The following GPS1 variants were observed in gnomAD, a reference collection of about 807,000 sequenced individuals.
GPS1 encodes COP9 signalosome complex subunit 1.
GPS1 carries 11 observed loss-of-function variants against 60.0 expected under a neutral mutation model. The ratio of observed to expected loss-of-function variants is 0.18; its 90% CI spans 0.12 to 0.30. The LOEUF (loss-of-function observed/expected upper bound fraction) is 0.30, where lower values mean the gene tolerates loss of function less well. Ranked by LOEUF, GPS1 falls within the 10% of genes least tolerant of loss-of-function variation. The pLI is 1.00. For missense variants in GPS1, 543 were observed against 669.2 expected (o/e 0.81, Z 2.08); for synonymous variants, 343 against 269.8 (o/e 1.27, Z -2.66).
chr17:82,054,231 T>C (rs2144500906), intron 3 of GPS1, 182 bp downstream of exon 3: 1 of 757,648 alleles, frequency 1.3e-6, no homozygotes, highest in Non-Finnish European at 2.1e-6. Context: ...CTTCTGTGTG[T>C]GTGCATGCAG....
chr17:82,052,275 C>T, intron 1 of GPS1: 2 of 1,611,328 alleles, frequency 1.2e-6, no homozygotes, highest in South Asian at 1.1e-5. Flanking sequence ...AGCTCTGTGT[C>T]AGGGTCGGGG....
chr17:82,052,749 T>G, intron 1 of GPS1: 1 of 458,722 alleles, frequency 2.2e-6, no homozygotes, highest in Non-Finnish European at 4.0e-6. Context: ...GTCTCCCAGC[T>G]GGGGGCCATG....
Position 82,054,885 on chromosome 17 carries a change from GC to G in GPS1, c.610-6del, listed in dbSNP as rs748705896. The G allele has an allele frequency of 7.0e-6, 11 of 1,569,256 alleles. No homozygotes were observed. The highest frequency in any genetic ancestry group is 6.9e-6 in the Non-Finnish European group (8 of 1,155,982). On this transcript the variant is annotated splice_polypyrimidine_tract_variant and intron_variant, in intron 4 of 12. Transcript: ENST00000578552. ...GGCGCCCGGGCTCACTTGGCTCTGC[GC>G]CCCCCCGCCAGGTCAGCGTCTACTT...
intron 3 of GPS1, 50 bp downstream of exon 3, chr17:82,054,099 G>T: frequency 6.5e-7 from 1 of 1,538,984 alleles, no homozygotes; most frequent in Admixed American, 1.9e-5. Context: ...AAGGGAGCGC[G>T]GGTGTCTGGG....
At chr17:82,055,515 TC>T in intron 6 of GPS1, 1 of 606,808 alleles carries the variant, frequency 1.6e-6, no homozygotes. Context: ...ACCTAGGGCT[TC>T]CCTGCATGCC....
upstream of GPS1, chr17:82,051,350 A>T (rs1462504825): frequency 1.4e-6 from 2 of 1,466,864 alleles, no homozygotes; most frequent in Non-Finnish European, 1.8e-6. This position sits in a 1 kb window ranked among gnomAD's most constrained non-coding sequence, Gnocchi z 4.1. Context: ...CGTCTGGGGG[A>T]GAAACAATCT....
rs1007117499 is a variant in GPS1 at position 82,053,676 on chromosome 17, G to A, written c.127-192G>A. The stretch of plus-strand genomic sequence containing the variant: ...AGGGTCCCACTCCTGAGGCTCCTGC[G>A]CCAGGCCCACCCCAGCGGTCTTCGT... On this transcript the variant is annotated intron_variant, in intron 2 of 12. Transcript: ENST00000578552. 9.6e-5 allele frequency: 59 copies of A among 612,208 alleles called. No individual in the cohort carries two copies. The East Asian group carries it at 1.2e-3, about 12-fold the overall frequency. The allele number at this position is 612,208 out of a possible 1,614,324, so 37.9% of individuals were successfully genotyped here.
At chr17:82,054,174 T>C in intron 3 of GPS1, 125 bp downstream of exon 3, 1 of 1,118,730 alleles carries the variant, frequency 8.9e-7, no homozygotes, top group Non-Finnish European at 1.2e-6. Flanking sequence ...CGGGTAGAGC[T>C]CTCGCTCTCT....
upstream of GPS1, chr17:82,051,739 G>T: frequency 9.3e-7 from 1 of 1,072,096 alleles, no homozygotes; most frequent in Non-Finnish European, 1.1e-6. The surrounding 1 kb of genome is among the most constrained non-coding windows in gnomAD (Gnocchi z 4.1). Flanking sequence ...AGGCAGGCCC[G>T]GCACAGCGCC....
chr17:82,051,910 G>A lies in GPS1; in HGVS notation c.-22G>A, dbSNP rs1305799451. The A allele has an allele frequency of 1.7e-6, 2 of 1,160,782 alleles. No homozygotes were observed. Among genetic ancestry groups the A allele is most frequent in the Non-Finnish European group, 2.1e-6 (2 of 941,328 alleles). 71.9% of individuals were successfully genotyped at this position (1,160,782 alleles called of 1,614,324 possible). A position where few individuals can be genotyped will look rare whatever the true frequency, so the allele number is the denominator to read the frequency against. ...TCGCTGCCCCGGAAGTGGACGGCAC[G>A]CCGCGGCGGGGTGGGTGCAAGATGC... On this transcript the variant is annotated 5_prime_UTR_variant, in exon 1 of 13. Transcript: ENST00000578552. The surrounding 1 kb of genome is among the most constrained non-coding windows in gnomAD (Gnocchi z 4.1).
intron 3 of GPS1, 85 bp downstream of exon 3, chr17:82,054,134 C>A: frequency 1.4e-6 from 2 of 1,409,030 alleles, no homozygotes; most frequent in Non-Finnish European, 1.9e-6. Context: ...CTGTGCCCTG[C>A]ATCTCCCACC....
chr17:82,054,748 C>T lies in GPS1; in HGVS notation c.547C>T (p.Arg183Trp), dbSNP rs878893994. ...DLSNALKCYSRARDYCTSAKH... is the reference protein window; with the variant it reads ...DLSNALKCYSWARDYCTSAKH... Reference sequence around the variant, plus strand: ...CAGCAACGCCCTCAAGTGCTATTCCCGGGCCCGGGACTACTGCACCAGCGC... The same window carrying T: ...CAGCAACGCCCTCAAGTGCTATTCCTGGGCCCGGGACTACTGCACCAGCGC... The change falls in exon 4 of 13, where the codon CGG becomes TGG. Residue 183 changes from arginine (R) to tryptophan (W), a missense_variant. Physicochemically the swap from Arg to Trp is moderately radical, Grantham distance 101. Around this residue, in one of 3 missense-constraint regions of GPS1, gnomAD observed 71 missense variants for 126.7 expected, o/e 0.56. Coordinates refer to ENST00000578552, the MANE Select transcript of GPS1 (RefSeq NM_001321092.3). 3 of 1,611,630 alleles carry T rather than the reference C, an allele frequency of 1.9e-6. No individual in the cohort carries two copies. In the Admixed American group the frequency reaches 5.0e-5, roughly 27 times the overall value.
At chr17:82,051,855 G>T, upstream of GPS1, 4 of 1,150,220 alleles carry the variant, frequency 3.5e-6, no homozygotes, top group Non-Finnish European at 4.3e-6. The surrounding 1 kb of genome is among the most constrained non-coding windows in gnomAD (Gnocchi z 4.1). Context: ...CAGCGGCCCC[G>T]CCCCGCCCCG....
In GPS1 at chr17:82,056,359, G is replaced by T; in HGVS notation, c.1003G>T (p.Ala335Ser). 1 of 1,613,252 alleles carries T rather than the reference G, an allele frequency of 6.2e-7. No homozygotes were observed. The highest frequency in any genetic ancestry group is 8.5e-7 in the Non-Finnish European group (1 of 1,179,876). ...IIFKFYESKY[A>S]SCLKMLDEMK... ...CTTCAAATTCTACGAGTCCAAGTACGCCTCATGTCTCAAGATGCTGGACGA... is the reference window on the plus strand; with the variant it reads ...CTTCAAATTCTACGAGTCCAAGTACTCCTCATGTCTCAAGATGCTGGACGA... The change falls in exon 9 of 13, where the codon GCC (alanine) becomes TCC (serine). Residue 335 changes from alanine to serine, a missense_variant. Around this residue, in one of 3 missense-constraint regions of GPS1, gnomAD observed 291 missense variants for 353.7 expected, o/e 0.82. Coordinates refer to ENST00000578552, the MANE Select transcript of GPS1 (RefSeq NM_001321092.3).
At position 82,055,773 on chromosome 17, in the gene GPS1, A is replaced by G. The variant is rs1043566272; in HGVS notation, c.782A>G (p.Gln261Arg). 1.3e-6 allele frequency: 2 copies of G among 1,562,452 alleles called. No individual in the cohort carries two copies. Among genetic ancestry groups the G allele is most frequent in the African/African-American group, 1.4e-5 (1 of 73,730 alleles). Residue 261 changes from glutamine (Q) to arginine (R), a missense_variant, in exon 7 of 13, where the codon CAG becomes CGG. Gln to Arg is a conservative substitution (Grantham distance 43, BLOSUM62 1). This residue lies in a region of GPS1 where 291 missense variants were observed against 353.7 expected (regional missense o/e 0.82). Transcript: ENST00000578552. ...GAGCTGGCCGCCAGGAAGTACAAGC[A>G]GGCTGCCAAGTGCCTCCTGCTGGCT... ...LAELAARKYK[Q>R]AAKCLLLASF... is the part of the protein sequence containing the mutation.
Position 82,056,323 on chromosome 17 carries a change from C to G in GPS1, c.967C>G (p.Arg323Gly). The G allele has an allele frequency of 1.9e-6, 3 of 1,613,184 alleles. No homozygotes were observed. Among genetic ancestry groups the G allele is most frequent in the Non-Finnish European group, 2.5e-6 (3 of 1,179,770 alleles). Residue 323 changes from arginine (R) to glycine (G), a missense_variant, in exon 9 of 13, where the codon CGA (arginine) becomes GGA (glycine). Transcript: ENST00000578552. ...GTTCTTGGAGCTGGAGCCACAGGTC[C>G]GAGACATCATCTTCAAATTCTACGA... ...KLFLELEPQV[R>G]DIIFKFYESK...
intron 3 of GPS1, 175 bp downstream of exon 3, chr17:82,054,224 CTG>C: frequency 1.3e-6 from 1 of 769,588 alleles, no homozygotes; most frequent in Non-Finnish European, 2.0e-6. Context: ...TGTGTGGCTT[CTG>C]TGTGTGTGCA....
At chr17:82,051,476 C>CGTCGGG (rs2030571778), upstream of GPS1, 23 of 1,349,434 alleles carry the variant, frequency 1.7e-5, no homozygotes, top group Middle Eastern at 5.5e-4. This position sits in a 1 kb window ranked among gnomAD's most constrained non-coding sequence, Gnocchi z 4.1. Context: ...TGGGGCTCGC[C>CGTCGGG]GTCGGGGTCG....
At position 82,055,576 on chromosome 17, in the gene GPS1, C is replaced by CT. The variant is rs1309250527; in HGVS notation, c.749-163dup. Reference sequence around the variant, plus strand: ...TTGGTGGGGCTCTTTCCACCCGTGACTAGAGTATCTGTCCCCAGCGCTGAG... The same window carrying CT: ...TTGGTGGGGCTCTTTCCACCCGTGACTTAGAGTATCTGTCCCCAGCGCTGAG... On this transcript the variant is annotated intron_variant, in intron 6 of 12. Coordinates refer to ENST00000578552, the MANE Select transcript of GPS1 (RefSeq NM_001321092.3). 1.3e-5 allele frequency: 8 copies of CT among 617,050 alleles called. No individual in the cohort carries two copies. In the East Asian group the frequency reaches 2.2e-4, roughly 17 times the overall value. 38.2% of individuals were successfully genotyped at this position (617,050 alleles called of 1,614,324 possible). A position where few individuals can be genotyped will look rare whatever the true frequency, so the allele number is the denominator to read the frequency against.
Sources: gnomAD v4.1 joint callset for allele counts on GRCh38, gnomAD v4.1.1 for gene constraint, gnomAD v4.1.1 regional missense constraint, Gnocchi (gnomAD v3.1) non-coding constraint, MANE v1.5 for transcripts, NCBI Gene and HGNC (gene_info 2026-07-23, HGNC 2026-07-21) for gene names.